RICTOR: variants seen among roughly 807,000 people sequenced by gnomAD.
RICTOR encodes RPTOR independent companion of MTOR complex 2, also known as rapamycin-insensitive companion of mTOR.
A neutral mutation model predicts 214.9 loss-of-function variants in RICTOR; 49 were observed. The ratio of observed to expected loss-of-function variants is 0.23; its 90% CI spans 0.18 to 0.29. The LOEUF (loss-of-function observed/expected upper bound fraction) is 0.29, where lower values mean the gene tolerates loss of function less well. Ranked by LOEUF, RICTOR falls within the 10% of genes least tolerant of loss-of-function variation. RICTOR has a pLI of 1.00. For missense variants in RICTOR, 1,625 were observed against 2,047.0 expected, an observed-to-expected ratio of 0.79 and a Z score of 3.98; for synonymous variants, 717 against 711.3, an observed-to-expected ratio of 1.01 and a Z score of -0.13.
At chr5:39,059,359 G>A (rs1417831786) in intron 2 of RICTOR, among the ~76,000 whole-genome samples, 3 of 152,046 alleles carry the variant, frequency 2.0e-5, no homozygotes, top group Non-Finnish European at 4.4e-5. Flanking sequence ...GCCTTCCTTG[G>A]CTGGGAAAGT....
chr5:39,023,083 A>G (rs1387691379), intron 2 of RICTOR, among the ~76,000 whole-genome samples: 4 of 152,156 alleles, frequency 2.6e-5, no homozygotes, highest in Admixed American at 2.6e-4. Flanking sequence ...AAGTAGCCAG[A>G]TTAAAAACAA....
At chr5:39,034,637 G>A (rs890800857) in intron 2 of RICTOR, among the ~76,000 whole-genome samples, 5 of 152,234 alleles carry the variant, frequency 3.3e-5, no homozygotes, top group African/African-American at 1.2e-4. Context: ...CTGTTCCAAT[G>A]GGCTTAACAA....
At chr5:39,029,405 TAC>T (rs1012731409) in intron 2 of RICTOR, among the ~76,000 whole-genome samples, 13 of 152,168 alleles carry the variant, frequency 8.5e-5, no homozygotes, top group African/African-American at 3.1e-4. Context: ...TGTGCACATG[TAC>T]ACACACATAT....
chr5:38,950,108 G>C lies in RICTOR; in HGVS notation c.3740C>G (p.Thr1247Ser), dbSNP rs1189825818. Residue 1247 changes from threonine (T) to serine (S), a missense_variant, in exon 31 of 38, where the codon ACT becomes AGT. Transcript: ENST00000357387. ...CATGCTTCCACAGTCTGTGTCCATAGTTGTAGCATCTACACCTACTGTCTC... is the reference window on the plus strand; with the variant it reads ...CATGCTTCCACAGTCTGTGTCCATACTTGTAGCATCTACACCTACTGTCTC... ...SRETVGVDAT[T>S]MDTDCGSMST... 2 of 1,613,054 alleles carry C rather than the reference G, an allele frequency of 1.2e-6. No individual in the cohort carries two copies. The highest frequency in any genetic ancestry group is 2.2e-5 in the South Asian group (2 of 91,046).
chr5:39,036,165 C>T (rs1278458389), intron 2 of RICTOR, among the ~76,000 whole-genome samples: 1 of 152,232 alleles, frequency 6.6e-6, no homozygotes, highest in Admixed American at 6.5e-5. Context: ...GAATATTCAA[C>T]ATTCTAAAAG....
chr5:38,973,751 TAA>T (rs1750977119), intron 10 of RICTOR, among the ~76,000 whole-genome samples: 1 of 152,168 alleles, frequency 6.6e-6, no homozygotes, highest in Non-Finnish European at 1.5e-5. Flanking sequence ...AAATTACAGA[TAA>T]GATATAGTCT....
intron 31 of RICTOR, chr5:38,949,509 T>C: frequency 7.7e-7 from 1 of 1,304,242 alleles, no homozygotes; most frequent in South Asian, 1.3e-5. Context: ...TTTCAGGGCC[T>C]ATAGGATTTT....
intron 2 of RICTOR, among the ~76,000 whole-genome samples, chr5:39,040,178 G>C (rs1246361913): frequency 6.6e-6 from 1 of 152,024 alleles, no homozygotes; most frequent in African/African-American, 2.4e-5. Context: ...GGACATGGAT[G>C]AAGCTGGAAA....
rs1748670661 is a variant in RICTOR, at chr5:38,950,555, A to G, written c.3293T>C (p.Ile1098Thr). The change falls in exon 31 of 38, where the codon ATC becomes ACC. Residue 1098 changes from isoleucine to threonine, a missense_variant. Ile to Thr is a moderately conservative substitution (Grantham distance 89). Around this residue, in one of 5 missense-constraint regions of RICTOR, gnomAD observed 1,214 missense variants for 1,470.5 expected, o/e 0.83. Coordinates refer to ENST00000357387, the MANE Select transcript of RICTOR (RefSeq NM_152756.5). Reference sequence around the variant, plus strand: ...GTTAGGCAAAGTAAGCGAATTTAAGATACGATTCTTCACAAGTTTACTAGA... The same window carrying G: ...GTTAGGCAAAGTAAGCGAATTTAAGGTACGATTCTTCACAAGTTTACTAGA... ...FASSKLVKNR[I>T]LNSLTLPNKK... 1.2e-6 allele frequency: 2 copies of G among 1,613,208 alleles called. No individual in the cohort carries two copies. Among genetic ancestry groups the G allele is most frequent in the African/African-American group, 1.3e-5 (1 of 74,848 alleles).
intron 2 of RICTOR, among the ~76,000 whole-genome samples, chr5:39,021,482 T>G (rs1755419726): frequency 6.6e-6 from 1 of 152,154 alleles, no homozygotes; most frequent in South Asian, 2.1e-4. Context: ...AAGAGGTGAT[T>G]AGGTTATGAA....
intron 2 of RICTOR, among the ~76,000 whole-genome samples, chr5:39,068,580 A>T (rs2150218731): frequency 6.6e-6 from 1 of 152,330 alleles, no homozygotes; most frequent in Non-Finnish European, 1.5e-5. Flanking sequence ...TTGTTTTTTT[A>T]TTTAAGAGAA....
intron 2 of RICTOR, among the ~76,000 whole-genome samples, chr5:39,027,852 G>A (rs1457387016): frequency 6.6e-6 from 1 of 151,990 alleles, no homozygotes; most frequent in Admixed American, 6.6e-5. Flanking sequence ...AGACTATTAA[G>A]AAAATGAAAA....
rs769940015 is a variant in RICTOR at position 38,958,515 on chromosome 5, T to C, written c.2348A>G (p.Asn783Ser). 4.6e-5 allele frequency: 74 copies of C among 1,611,106 alleles called. No homozygotes were observed. The highest frequency in any genetic ancestry group is 6.0e-5 in the Non-Finnish European group (71 of 1,177,902). ...ILDEACEDKA[N>S]LHALIQMKPA... ...TTTCATCTGAATGAGAGCATGAAGA[T>C]TGGCCTAAAAGAGATTATCATTATT... Residue 783 changes from asparagine (N) to serine (S), a missense_variant, in exon 24 of 38, where the codon AAT becomes AGT. By Grantham distance (46) the Asn-to-Ser change is conservative (BLOSUM62 1). Coordinates refer to ENST00000357387, the MANE Select transcript of RICTOR (RefSeq NM_152756.5).
chr5:38,976,815 C>T (rs749972559), intron 9 of RICTOR, among the ~76,000 whole-genome samples: 4 of 152,136 alleles, frequency 2.6e-5, no homozygotes, highest in Non-Finnish European at 5.9e-5. Context: ...CCCCACCCTC[C>T]CAATTCTAAG....
At chr5:39,037,668 G>C (rs567277867) in intron 2 of RICTOR, among the ~76,000 whole-genome samples, 5 of 152,022 alleles carry the variant, frequency 3.3e-5, no homozygotes, top group Admixed American at 2.0e-4. Context: ...TACAAACTAC[G>C]ATCAGAGAAT....
At chr5:38,945,781 C>A in intron 33 of RICTOR, 57 bp from the exon 34 acceptor site, 1 of 871,080 alleles carries the variant, frequency 1.1e-6, no homozygotes, top group South Asian at 1.9e-5. Context: ...TTCAAGGTAC[C>A]TTAAATTATG....
rs756174304 is a variant in RICTOR at position 38,963,014 on chromosome 5, T to C, written c.1428A>G (p.Leu476=). The change falls in exon 17 of 38, where the codon TTA becomes TTG. Residue 476 remains leucine, a synonymous_variant. Coordinates refer to ENST00000357387, the MANE Select transcript of RICTOR (RefSeq NM_152756.5). The stretch of plus-strand genomic sequence containing the variant: ...GTTTCTTCATTTCATGGAAGCGTTT[T>C]AAACAGTTCAAGGCTGCACTGGCTC... ...RLRASAALNC[L]KRFHEMKKRG... 1.2e-6 allele frequency: 2 copies of C among 1,613,016 alleles called. No individual in the cohort carries two copies. Among genetic ancestry groups the C allele is most frequent in the Middle Eastern group, 1.7e-4 (1 of 6,058 alleles).
intron 2 of RICTOR, among the ~76,000 whole-genome samples, chr5:39,033,199 A>C (rs897952799): frequency 6.6e-6 from 1 of 151,634 alleles, no homozygotes; most frequent in Non-Finnish European, 1.5e-5. Flanking sequence ...CATCTGCTCC[A>C]TTATCTCCTT....
chr5:39,021,256 A>T, intron 2 of RICTOR, 120 bp from the exon 3 acceptor site: 1 of 674,414 alleles, frequency 1.5e-6, no homozygotes, highest in Non-Finnish European at 2.7e-6. Context: ...CTTACCCTCC[A>T]CCCCAAATCT....
Sources: allele counts gnomAD v4.1 joint callset (sites outside exome capture counted in the v4.1 genomes callset), GRCh38; gene constraint gnomAD v4.1.1; regional missense constraint gnomAD v4.1.1; transcripts MANE v1.5; gene names NCBI Gene and HGNC (gene_info 2026-07-23, HGNC 2026-07-21).